The following CDH13 variants were observed in gnomAD, a reference collection of about 807,000 sequenced individuals.
The protein encoded by CDH13 is cadherin 13.
In CDH13, 24 loss-of-function variants were observed where a neutral mutation model predicts 63.8. The observed-to-expected ratio is 0.38, with a 90% confidence interval of 0.27 to 0.53. The LOEUF (loss-of-function observed/expected upper bound fraction) is 0.53. Among genes scored for constraint, CDH13 ranks in the 20% least tolerant of loss-of-function variants. The pLI, the probability that CDH13 is intolerant of heterozygous loss-of-function variation, is 0.85. For synonymous variants in CDH13, 503 were observed against 355.3 expected, an observed-to-expected ratio of 1.42 and a Z score of -4.67; for missense variants, 1,049 against 903.1, an observed-to-expected ratio of 1.16 and a Z score of -2.07.
intron 3 of CDH13, among the ~76,000 whole-genome samples, chr16:83,052,796 A>AG (rs1406709423): frequency 1.3e-5 from 2 of 150,874 alleles, no homozygotes; most frequent in East Asian, 3.9e-4. Flanking sequence ...AAAAAAAAAA[A>AG]AAAAAAAAGA....
chr16:83,325,292 C>G (rs1301548234), intron 5 of CDH13, among the ~76,000 whole-genome samples: 2 of 152,034 alleles, frequency 1.3e-5, no homozygotes, highest in Admixed American at 1.3e-4. Context: ...GAATAAATAA[C>G]AATGAGAGAG....
At chr16:83,134,539 TGG>T (rs2036192190) in intron 4 of CDH13, among the ~76,000 whole-genome samples, 3 of 46,488 alleles carry the variant, frequency 6.5e-5, no homozygotes, top group Non-Finnish European at 1.4e-4. Context: ...GGGGATGGGG[TGG>T]GGGGAGAGAG....
At chr16:83,014,542 T>C (rs993369782) in intron 2 of CDH13, among the ~76,000 whole-genome samples, 36 of 150,906 alleles carry the variant, frequency 2.4e-4, no homozygotes, top group Middle Eastern at 3.4e-3. Context: ...AAGACCAGCC[T>C]GGCCAACATG....
chr16:82,941,367 GT>G (rs1904284534), intron 2 of CDH13, among the ~76,000 whole-genome samples: 1 of 152,180 alleles, frequency 6.6e-6, no homozygotes, highest in African/African-American at 2.4e-5. Flanking sequence ...AGAATGCTCA[GT>G]GATATCCATG....
intron 6 of CDH13, among the ~76,000 whole-genome samples, chr16:83,465,065 G>A (rs2073274776): frequency 6.6e-6 from 1 of 152,218 alleles, no homozygotes; most frequent in African/African-American, 2.4e-5. Context: ...AAGCATTTGG[G>A]TGGTGACAGA....
intron 1 of CDH13, among the ~76,000 whole-genome samples, chr16:82,699,131 T>A (rs1422844487): frequency 6.6e-6 from 1 of 152,198 alleles, no homozygotes; most frequent in East Asian, 1.9e-4. Context: ...TTAATTGATC[T>A]TCATAGAAGC....
At chr16:83,337,341 T>C (rs555403289) in intron 5 of CDH13, among the ~76,000 whole-genome samples, 1 of 152,136 alleles carries the variant, frequency 6.6e-6, no homozygotes, top group African/African-American at 2.4e-5. Context: ...CCAACTTAGC[T>C]TCCCTTCTGG....
intron 8 of CDH13, among the ~76,000 whole-genome samples, chr16:83,654,008 C>G (rs1234757882): frequency 1.3e-5 from 2 of 152,050 alleles, no homozygotes; most frequent in African/African-American, 2.4e-5. Flanking sequence ...AATTAACATA[C>G]TGACAGGGAA....
chr16:83,198,751 G>C (rs889795384), intron 4 of CDH13, among the ~76,000 whole-genome samples: 3 of 152,204 alleles, frequency 2.0e-5, no homozygotes, highest in East Asian at 1.9e-4. Flanking sequence ...GCCTATAAAA[G>C]ATTCAACTCC....
intron 2 of CDH13, among the ~76,000 whole-genome samples, chr16:82,973,162 G>C (rs1302913532): frequency 1.3e-5 from 2 of 152,072 alleles, no homozygotes; most frequent in Non-Finnish European, 2.9e-5. Flanking sequence ...CCCCAACTTG[G>C]GGTTTCTCTT....
At chr16:82,953,711 G>T (rs1049578374) in intron 2 of CDH13, 2 of 152,122 alleles carry the variant, frequency 1.3e-5, no homozygotes, top group African/African-American at 4.8e-5. Context: ...TAATGAACTG[G>T]GTGCTCAGTG....
At chr16:82,997,154 GGTGATGATA>G (rs1477264757) in intron 2 of CDH13, among the ~76,000 whole-genome samples, 14 of 142,546 alleles carry the variant, frequency 9.8e-5, no homozygotes, top group East Asian at 5.9e-4. Context: ...TGGTGATGAT[GGTGATGATA>G]GTGATGGTGA....
At chr16:83,572,772 A>C (rs1288321858) in intron 7 of CDH13, among the ~76,000 whole-genome samples, 3 of 152,242 alleles carry the variant, frequency 2.0e-5, no homozygotes, top group Admixed American at 6.5e-5. Context: ...TTGGAAACTC[A>C]AATCATCCAT....
intron 7 of CDH13, among the ~76,000 whole-genome samples, chr16:83,569,411 G>A (rs1904364077): frequency 6.6e-6 from 1 of 152,172 alleles, no homozygotes; most frequent in Admixed American, 6.5e-5. Context: ...CCCCTTCCTT[G>A]GGGAGTAACT....
At chr16:83,060,176 T>C (rs999950745) in intron 3 of CDH13, among the ~76,000 whole-genome samples, 5 of 152,168 alleles carry the variant, frequency 3.3e-5, no homozygotes, top group Non-Finnish European at 5.9e-5. Flanking sequence ...GTTTTATCAG[T>C]GCCCCTTTGA....
At chr16:83,569,285 G>C (rs1904350851) in intron 7 of CDH13, among the ~76,000 whole-genome samples, 1 of 151,998 alleles carries the variant, frequency 6.6e-6, no homozygotes, top group African/African-American at 2.4e-5. Context: ...ATTGGAACCA[G>C]CTCCACACTG....
At chr16:82,921,629 T>C (rs373523673) in intron 2 of CDH13, among the ~76,000 whole-genome samples, 1 of 152,232 alleles carries the variant, frequency 6.6e-6, no homozygotes, top group Non-Finnish European at 1.5e-5. Context: ...CTACTAACTA[T>C]GTTATTAAAT....
At chr16:82,925,218 C>G (rs968801832) in intron 2 of CDH13, among the ~76,000 whole-genome samples, 2 of 152,108 alleles carry the variant, frequency 1.3e-5, no homozygotes, top group African/African-American at 2.4e-5. Context: ...GCCTCCTTAT[C>G]AAAGAGGGAG....
chr16:83,723,440 G>A (rs1909954179), intron 10 of CDH13, among the ~76,000 whole-genome samples: 1 of 152,306 alleles, frequency 6.6e-6, no homozygotes, highest in East Asian at 1.9e-4. Context: ...CTTAGCTGGA[G>A]GCTCCTCAGT....
Sources: allele counts gnomAD v4.1 joint callset (sites outside exome capture counted in the v4.1 genomes callset), GRCh38; gene constraint gnomAD v4.1.1; transcripts MANE v1.5; gene names NCBI Gene and HGNC (gene_info 2026-07-23, HGNC 2026-07-21).